CAMTA1: variants seen among roughly 807,000 people sequenced by gnomAD.
CAMTA1 encodes calmodulin-binding transcription activator 1.
In CAMTA1, 27 loss-of-function variants were observed where a neutral mutation model predicts 170.9. That is an observed-to-expected ratio of 0.16 (90% confidence interval 0.12 to 0.22). The LOEUF (loss-of-function observed/expected upper bound fraction) is 0.22, where lower values mean the gene tolerates loss of function less well. Ranked by LOEUF, CAMTA1 falls within the 10% of genes least tolerant of loss-of-function variation. The pLI is 1.00. For missense variants in CAMTA1, 1,619 were observed against 2,217.2 expected (o/e 0.73, Z 5.42); for synonymous variants, 833 against 891.5 (o/e 0.93, Z 1.17).
In CAMTA1 at chr1:7,768,903, TTAA is replaced by T. The variant is rs2097039620; in HGVS notation, c.*2415_*2417del. On this transcript the variant is annotated 3_prime_UTR_variant, in exon 23 of 23. Transcript: ENST00000303635. Reference sequence around the variant, plus strand: ...GCCAGCTCTTTCAGAATATCCTCTATTAATACTGAATTTAGATATCTTTATTCC... The same window carrying T: ...GCCAGCTCTTTCAGAATATCCTCTATTACTGAATTTAGATATCTTTATTCC... 6.6e-6 allele frequency: 1 copy of T among 152,376 alleles called. No individual in the cohort carries two copies. The highest frequency in any genetic ancestry group is 6.5e-5 in the Admixed American group (1 of 15,278). The allele number at this position is 152,376 out of a possible 1,614,324, so 9.4% of individuals were successfully genotyped here. A position where few individuals can be genotyped will look rare whatever the true frequency, so the allele number is the denominator to read the frequency against.
At chr1:7,450,077 C>A (rs1278488596) in intron 5 of CAMTA1, among the ~76,000 whole-genome samples, 2 of 152,168 alleles carry the variant, frequency 1.3e-5, no homozygotes, top group African/African-American at 4.8e-5. Context: ...GCCAGCCCAG[C>A]AGGGATGCGG....
intron 6 of CAMTA1, among the ~76,000 whole-genome samples, chr1:7,568,741 C>CAT (rs1231564340): frequency 1.3e-5 from 2 of 151,692 alleles, no homozygotes; most frequent in African/African-American, 4.8e-5. Flanking sequence ...ACATCACCAT[C>CAT]CTCATCACCA....
chr1:7,548,816 A>ATGT (rs2094750518), intron 6 of CAMTA1, among the ~76,000 whole-genome samples: 1 of 30,532 alleles, frequency 3.3e-5, no homozygotes, highest in East Asian at 1.3e-3. Context: ...GGTGGAGGGC[A>ATGT]CCCCTTAGGG....
chr1:6,946,859 G>A (rs1021563705), intron 3 of CAMTA1, among the ~76,000 whole-genome samples: 1 of 151,688 alleles, frequency 6.6e-6, no homozygotes, highest in Non-Finnish European at 1.5e-5. Context: ...TTGTGCTTTT[G>A]GTGTTATAAC....
chr1:7,669,899 T>C (rs577949443), intron 9 of CAMTA1, among the ~76,000 whole-genome samples: 1 of 152,262 alleles, frequency 6.6e-6, no homozygotes, highest in South Asian at 2.1e-4. Flanking sequence ...CGCACCTCCC[T>C]CTCTCATCAC....
chr1:6,859,830 G>A (rs1167593962), intron 3 of CAMTA1, among the ~76,000 whole-genome samples: 1 of 152,102 alleles, frequency 6.6e-6, no homozygotes, highest in Non-Finnish European at 1.5e-5. Flanking sequence ...ATACCAATTT[G>A]GACTCTCATT....
intron 5 of CAMTA1, among the ~76,000 whole-genome samples, chr1:7,383,214 G>C (rs2087546559): frequency 6.6e-6 from 1 of 151,908 alleles, no homozygotes; most frequent in Admixed American, 6.5e-5. Flanking sequence ...CTTTGCCGCA[G>C]AAAAGGAAGA....
intron 3 of CAMTA1, among the ~76,000 whole-genome samples, chr1:6,974,986 A>G (rs935544847): frequency 6.6e-6 from 1 of 152,246 alleles, no homozygotes; most frequent in Non-Finnish European, 1.5e-5. Context: ...ACAAGATACA[A>G]GTTAATTTTT....
At chr1:7,367,177 G>A (rs1227227932) in intron 5 of CAMTA1, among the ~76,000 whole-genome samples, 4 of 152,160 alleles carry the variant, frequency 2.6e-5, no homozygotes, top group African/African-American at 9.7e-5. Context: ...TCTTTTGACT[G>A]GCAAGGTGAC....
chr1:7,512,576 G>A (rs1162258545), intron 6 of CAMTA1, among the ~76,000 whole-genome samples: 4 of 152,224 alleles, frequency 2.6e-5, no homozygotes, highest in Non-Finnish European at 5.9e-5. Context: ...CTGGACTGGG[G>A]CTTGGTTTTC....
intron 3 of CAMTA1, among the ~76,000 whole-genome samples, chr1:6,850,360 A>G (rs758391513): frequency 6.6e-6 from 1 of 152,216 alleles, no homozygotes; most frequent in South Asian, 2.1e-4. Flanking sequence ...TAAATGATCT[A>G]TCAAAAAAAT....
chr1:7,613,293 C>T (rs112848755), intron 6 of CAMTA1, among the ~76,000 whole-genome samples: 1,827 of 152,294 alleles, frequency 0.012, 33 homozygotes, highest in African/African-American at 0.041. Context: ...CATCTGCTTA[C>T]GTTTTCAAGC....
chr1:7,074,135 T>C (rs1308973490), intron 3 of CAMTA1, among the ~76,000 whole-genome samples: 3 of 152,132 alleles, frequency 2.0e-5, no homozygotes, highest in Non-Finnish European at 2.9e-5. Context: ...CCTCCTGGGG[T>C]TGGAAGTCAA....
At position 7,014,824 on chromosome 1, in the gene CAMTA1, G is replaced by T. The variant is rs1700306793; in HGVS notation, c.235-76480G>T. 6.6e-6 allele frequency among the ~76,000 whole-genome samples: 1 copy of T among 152,154 alleles called. No individual in the cohort carries two copies. The highest frequency in any genetic ancestry group is 1.5e-5 in the Non-Finnish European group (1 of 68,030). On this transcript the variant is annotated intron_variant, in intron 3 of 22. Transcript: ENST00000303635. The surrounding 1 kb of genome is among the most constrained non-coding windows in gnomAD (Gnocchi z 4.2). ...AGACCCTGCAGCATGTCGGGGGCCG[G>T]GTGGGGGAGCGGGTGGTGGCATCAG...
chr1:7,039,493 A>T (rs17030180), intron 3 of CAMTA1, among the ~76,000 whole-genome samples: 3,035 of 140,776 alleles, frequency 0.022, 90 homozygotes, highest in African/African-American at 0.079. Context: ...TTCCTTTCAC[A>T]TCTGAACCAT....
At chr1:7,145,933 G>C (rs1325268953) in intron 4 of CAMTA1, among the ~76,000 whole-genome samples, 2 of 152,164 alleles carry the variant, frequency 1.3e-5, no homozygotes, top group African/African-American at 2.4e-5. Context: ...CCTGTGACCT[G>C]GGTCAGTTTC....
At chr1:7,145,418 T>C (rs1224892471) in intron 4 of CAMTA1, among the ~76,000 whole-genome samples, 1 of 152,190 alleles carries the variant, frequency 6.6e-6, no homozygotes, top group African/African-American at 2.4e-5. Context: ...TGTTTAATAG[T>C]GCAGGGAAAA....
intron 9 of CAMTA1, 98 bp from the exon 10 acceptor site, chr1:7,670,813 G>C: frequency 7.2e-7 from 1 of 1,397,170 alleles, no homozygotes; most frequent in African/African-American, 1.4e-5. Context: ...GAGGGGTACA[G>C]ACCCCCATCT....
At chr1:7,213,779 C>A (rs963681994) in intron 4 of CAMTA1, among the ~76,000 whole-genome samples, 1 of 151,874 alleles carries the variant, frequency 6.6e-6, no homozygotes, top group Non-Finnish European at 1.5e-5. Flanking sequence ...CCACAACAGG[C>A]CCCTGTGTGC....
Sources: allele counts gnomAD v4.1 joint callset (sites outside exome capture counted in the v4.1 genomes callset), GRCh38; gene constraint gnomAD v4.1.1; non-coding constraint Gnocchi (gnomAD v3.1); transcripts MANE v1.5; gene names NCBI Gene and HGNC (gene_info 2026-07-23, HGNC 2026-07-21).